Variants in SYNE1 observed in about 807,000 individuals in gnomAD.
SYNE1 encodes the protein nesprin-1.
A neutral mutation model predicts 1,111.0 loss-of-function variants in SYNE1; 616 were observed. That is an observed-to-expected ratio of 0.55 (90% CI 0.52 to 0.59). The LOEUF (loss-of-function observed/expected upper bound fraction) is 0.59, where lower values mean the gene tolerates loss of function less well. Among genes scored for constraint, SYNE1 ranks in the 20% least tolerant of loss-of-function variants. SYNE1 has a pLI of 0.00. For missense variants in SYNE1, 10,006 were observed against 10,417.0 expected (o/e 0.96, Z 1.72); for synonymous variants, 3,855 against 3,825.8 (o/e 1.01, Z -0.28).
chr6:152,262,027 G>T lies in SYNE1; in HGVS notation c.18972+5C>A. 7 of 1,609,964 alleles carry T rather than the reference G, an allele frequency of 4.3e-6. No homozygotes were observed. The highest frequency in any genetic ancestry group is 5.1e-6 in the Non-Finnish European group (6 of 1,177,938). On this transcript the variant is annotated splice_donor_5th_base_variant and intron_variant, in intron 101 of 145. Coordinates refer to ENST00000367255, the MANE Select transcript of SYNE1 (RefSeq NM_182961.4). ...AGTTAATATATAATGTAAAATATTT[G>T]ATACCACTTGCTCTTGTTCCTGTTC... is the stretch of plus-strand genomic sequence containing the variant.
chr6:152,533,550 T>C (rs2099216151), intron 4 of SYNE1, among the ~76,000 whole-genome samples: 1 of 152,140 alleles, frequency 6.6e-6, no homozygotes, highest in South Asian at 2.1e-4. Context: ...TTCAAAAGTC[T>C]TCCAGTATCC....
intron 4 of SYNE1, among the ~76,000 whole-genome samples, chr6:152,528,191 AT>A (rs1245087615): frequency 2.0e-5 from 3 of 151,916 alleles, no homozygotes; most frequent in African/African-American, 4.8e-5. Flanking sequence ...TTCTTTACAA[AT>A]TTTTTTCTGC....
intron 81 of SYNE1, among the ~76,000 whole-genome samples, chr6:152,324,693 C>T (rs963621961): frequency 1.3e-5 from 2 of 151,982 alleles, no homozygotes; most frequent in African/African-American, 4.8e-5. Context: ...ACTCGCTACT[C>T]GGGAGGCTGA....
chr6:152,364,763 C>T (rs536034140), intron 63 of SYNE1, 84 bp downstream of exon 63: 89 of 1,543,376 alleles, frequency 5.8e-5, no homozygotes, highest in South Asian at 2.9e-4. Flanking sequence ...GAAGGGAAGC[C>T]GGCCACAGGA....
At position 152,442,153 on chromosome 6, in the gene SYNE1, G is replaced by T; in HGVS notation, c.3930C>A (p.Gly1310=). The change falls in exon 31 of 146, where the codon GGC becomes GGA. Residue 1310 remains glycine, a synonymous_variant. Coordinates refer to ENST00000367255, the MANE Select transcript of SYNE1 (RefSeq NM_182961.4). ...QQGEGGLPDR[G]HEELRKLEST... ...TCTCCAGCTTCCGCAGCTCCTCGTG[G>T]CCTCGGTCAGGCAGCCCCCCTTCTC... 1 of 1,613,830 alleles carries T rather than the reference G, an allele frequency of 6.2e-7. No homozygotes were observed.
intron 91 of SYNE1, among the ~76,000 whole-genome samples, chr6:152,306,233 C>T (rs1562935544): frequency 2.6e-5 from 4 of 152,144 alleles, no homozygotes. Context: ...CTCCTGCAAT[C>T]CCAACACTTT....
At chr6:152,468,030 T>G (rs1007086914) in intron 16 of SYNE1, among the ~76,000 whole-genome samples, 67 of 152,262 alleles carry the variant, frequency 4.4e-4, no homozygotes, top group African/African-American at 1.5e-3. Context: ...GGTTGAAACT[T>G]GGATCCCAAG....
At position 152,239,841 on chromosome 6, in the gene SYNE1, C is replaced by G. The variant is rs141034939; in HGVS notation, c.19894-135G>C. The G allele has an allele frequency of 0.015, 13,935 of 924,072 alleles. 164 individuals are homozygous for G. Among genetic ancestry groups the G allele is most frequent in the South Asian group, 0.03 (2,120 of 71,854 alleles). 57.2% of individuals were successfully genotyped at this position (924,072 alleles called of 1,614,324 possible). On this transcript the variant is annotated intron_variant, in intron 107 of 145. Transcript: ENST00000367255. ...GGGGAGGCTGAAGTGGGTGGATTACCTGAGGTCAAGAGCTCAAGACCAGCC... is the reference window on the plus strand; with the variant it reads ...GGGGAGGCTGAAGTGGGTGGATTACGTGAGGTCAAGAGCTCAAGACCAGCC...
intron 11 of SYNE1, among the ~76,000 whole-genome samples, chr6:152,494,107 C>A (rs925545397): frequency 6.6e-6 from 1 of 152,168 alleles, no homozygotes; most frequent in South Asian, 2.1e-4. Flanking sequence ...TCTGAGCTGG[C>A]CTTCATGTCT....
intron 30 of SYNE1, 54 bp from the exon 31 acceptor site, chr6:152,442,299 G>C: frequency 6.2e-6 from 10 of 1,603,732 alleles, no homozygotes; most frequent in Non-Finnish European, 8.5e-6. Flanking sequence ...AAACAGCTAA[G>C]TAGGGACATC....
chr6:152,630,385 G>T (rs913065096), intron 2 of SYNE1, among the ~76,000 whole-genome samples: 1 of 152,132 alleles, frequency 6.6e-6, no homozygotes, highest in African/African-American at 2.4e-5. Context: ...GACTCTCCAA[G>T]GGATTCTTCA....
intron 10 of SYNE1, among the ~76,000 whole-genome samples, chr6:152,499,753 C>A (rs996582702): frequency 1.3e-5 from 2 of 152,006 alleles, no homozygotes; most frequent in South Asian, 4.1e-4. Context: ...TAAAAAAGGG[C>A]GAAGCTTCCA....
intron 127 of SYNE1, 65 bp from the exon 128 acceptor site, chr6:152,189,472 T>C: frequency 4.6e-6 from 7 of 1,518,758 alleles, no homozygotes; most frequent in South Asian, 1.1e-5. Context: ...GAAGTGTTTT[T>C]GAATCCCCTC....
At chr6:152,375,085 C>A (rs984543215) in intron 58 of SYNE1, among the ~76,000 whole-genome samples, 1 of 151,908 alleles carries the variant, frequency 6.6e-6, no homozygotes, top group Non-Finnish European at 1.5e-5. Flanking sequence ...GGATTACGGG[C>A]GCCTGCCACC....
chr6:152,510,932 T>G, intron 7 of SYNE1, 79 bp downstream of exon 7: 1 of 1,260,044 alleles, frequency 7.9e-7, no homozygotes. Context: ...ATATGGCAAA[T>G]GAGAGCATTA....
At chr6:152,194,733 C>A (rs949678820) in intron 127 of SYNE1, among the ~76,000 whole-genome samples, 2 of 152,070 alleles carry the variant, frequency 1.3e-5, no homozygotes, top group African/African-American at 4.8e-5. Context: ...GCGTAGCTTA[C>A]TTCAAGCTCA....
chr6:152,276,901 T>TTTC, intron 98 of SYNE1, among the ~76,000 whole-genome samples: 1 of 147,800 alleles, frequency 6.8e-6, no homozygotes, highest in Non-Finnish European at 1.5e-5. Context: ...TTTTTTTTTT[T>TTTC]TGAGACGGCG....
intron 4 of SYNE1, among the ~76,000 whole-genome samples, chr6:152,528,455 G>A (rs1253871033): frequency 1.3e-5 from 2 of 152,164 alleles, no homozygotes; most frequent in Non-Finnish European, 2.9e-5. Flanking sequence ...CAATCAGTTA[G>A]GGGGACCTTT....
At chr6:152,635,950 G>A (rs2099705172) in intron 2 of SYNE1, among the ~76,000 whole-genome samples, 1 of 152,172 alleles carries the variant, frequency 6.6e-6, no homozygotes, top group Non-Finnish European at 1.5e-5. Flanking sequence ...CTTCCTGTGC[G>A]GCTGATGGCT....
Sources: allele counts gnomAD v4.1 joint callset (sites outside exome capture counted in the v4.1 genomes callset), GRCh38; gene constraint gnomAD v4.1.1; transcripts MANE v1.5; gene names NCBI Gene and HGNC (gene_info 2026-07-23, HGNC 2026-07-21).